PDZD9: variants seen among roughly 807,000 people sequenced by gnomAD.
PDZD9 encodes PDZ domain containing 9.
A neutral mutation model predicts 16.3 loss-of-function variants in PDZD9; 13 were observed. The ratio of observed to expected loss-of-function variants is 0.80; its 90% CI spans 0.52 to 1.27. The LOEUF (loss-of-function observed/expected upper bound fraction) is 1.27. Among genes scored for constraint, PDZD9 ranks in the 50% most tolerant of loss-of-function variants. PDZD9 has a pLI of 0.00. For missense variants in PDZD9, 288 were observed against 310.9 expected (o/e 0.93, Z 0.55); for synonymous variants, 120 against 111.0 (o/e 1.08, Z -0.51).
At chr16:21,962,491 A>G in the PDZD9 span, 1 of 1,614,122 alleles carries the variant, frequency 6.2e-7, no homozygotes, top group East Asian at 2.2e-5. Context: ...CATGGCTTAT[A>G]CTGTGGAATG....
the PDZD9 span, chr16:21,962,758 TA>T: frequency 6.2e-7 from 1 of 1,614,148 alleles, no homozygotes; most frequent in Non-Finnish European, 8.5e-7. Flanking sequence ...ATGTCTTCTG[TA>T]GTGATATTCT....
the PDZD9 span, among the ~76,000 whole-genome samples, chr16:21,970,048 A>G: frequency 6.6e-6 from 1 of 152,054 alleles, no homozygotes; most frequent in African/African-American, 2.4e-5. Context: ...GACATTTCCT[A>G]TAAATGGAGT....
the PDZD9 span, among the ~76,000 whole-genome samples, chr16:21,966,561 G>A: frequency 2.6e-5 from 4 of 151,964 alleles, no homozygotes; most frequent in Non-Finnish European, 5.9e-5. Context: ...TTTTATTCTC[G>A]TTTTATTCTT....
chr16:21,974,808 A>G, the PDZD9 span, among the ~76,000 whole-genome samples: 5 of 152,254 alleles, frequency 3.3e-5, no homozygotes, highest in African/African-American at 1.2e-4. Flanking sequence ...CTTGGGATCC[A>G]GCACACAAGT....
chr16:21,988,574 CAA>C (rs1452377989), intron 3 of PDZD9, 26 bp downstream of exon 3: 2 of 1,555,936 alleles, frequency 1.3e-6, no homozygotes, highest in African/African-American at 2.7e-5. Flanking sequence ...TGTATTATAA[CAA>C]AGAGTTCCTA....
At chr16:21,964,621 C>T in the PDZD9 span, among the ~76,000 whole-genome samples, 1 of 152,086 alleles carries the variant, frequency 6.6e-6, no homozygotes, top group South Asian at 2.1e-4. Flanking sequence ...AAATGATTTC[C>T]CCTGGGAAAC....
the PDZD9 span, among the ~76,000 whole-genome samples, chr16:21,966,973 A>G: frequency 2.0e-5 from 3 of 152,242 alleles, no homozygotes; most frequent in Admixed American, 6.5e-5. Flanking sequence ...ATGTTGTCAC[A>G]TAAAGCAATT....
chr16:21,965,077 G>A, the PDZD9 span, among the ~76,000 whole-genome samples: 1 of 125,242 alleles, frequency 8.0e-6, no homozygotes, highest in Non-Finnish European at 1.8e-5. Flanking sequence ...CAAGATGGCG[G>A]CAGAACCATA....
the PDZD9 span, chr16:21,962,732 C>G: frequency 6.2e-7 from 1 of 1,613,632 alleles, no homozygotes; most frequent in Non-Finnish European, 8.5e-7. Context: ...ATTTTTGACT[C>G]ATAATTCTTA....
the PDZD9 span, chr16:21,959,347 G>A: frequency 3.7e-6 from 1 of 269,576 alleles, no homozygotes. Context: ...AGTGTTCACA[G>A]CATCTTCAAC....
downstream of PDZD9, chr16:21,983,366 T>G (rs948255732): frequency 1.9e-6 from 1 of 534,726 alleles, no homozygotes; most frequent in African/African-American, 1.9e-5. Flanking sequence ...CTTACGTTTT[T>G]CTCAATGAGT....
the PDZD9 span, among the ~76,000 whole-genome samples, chr16:21,968,277 C>G: frequency 6.6e-6 from 1 of 152,284 alleles, no homozygotes; most frequent in South Asian, 2.1e-4. Context: ...GCTGGGATTA[C>G]AGACATGAGC....
chr16:21,980,751 G>T (rs776675108), downstream of PDZD9: 2 of 1,599,776 alleles, frequency 1.3e-6, no homozygotes, highest in Admixed American at 1.7e-5. Flanking sequence ...TAACCTTAAT[G>T]ATCCAATTTC....
the PDZD9 span, chr16:21,962,586 T>C: frequency 1.2e-6 from 2 of 1,605,754 alleles, no homozygotes; most frequent in Admixed American, 1.7e-5. Context: ...CTGGTCTTTG[T>C]AATGCGTCAT....
the PDZD9 span, chr16:21,976,360 A>C: frequency 1.1e-6 from 1 of 891,090 alleles, no homozygotes; most frequent in East Asian, 2.8e-5. Context: ...AGAAAAGCGT[A>C]AAAAGGGAAA....
chr16:21,988,466 G>A, intron 3 of PDZD9, 136 bp downstream of exon 3: 1 of 719,486 alleles, frequency 1.4e-6, no homozygotes, highest in South Asian at 2.3e-5. Flanking sequence ...AGAAACCCAG[G>A]AAATTACTCT....
At chr16:21,989,199 C>T in intron 2 of PDZD9, among the ~76,000 whole-genome samples, 1 of 151,846 alleles carries the variant, frequency 6.6e-6, no homozygotes. Flanking sequence ...TGCCAAAGTG[C>T]TAGGATTACA....
chr16:21,981,046 T>C (rs567182144), downstream of PDZD9, among the ~76,000 whole-genome samples: 11 of 152,310 alleles, frequency 7.2e-5, no homozygotes, highest in African/African-American at 2.6e-4. Flanking sequence ...GGGCTTATGT[T>C]AGATGACTAG....
chr16:21,965,440 C>A, the PDZD9 span: 22 of 1,613,750 alleles, frequency 1.4e-5, no homozygotes, highest in Middle Eastern at 3.3e-4. Flanking sequence ...AGCAGCTTAC[C>A]GGAATGCCTT....
Sources: allele counts gnomAD v4.1 joint callset (sites outside exome capture counted in the v4.1 genomes callset), GRCh38; gene constraint gnomAD v4.1.1; transcripts MANE v1.5; gene names NCBI Gene and HGNC (gene_info 2026-07-23, HGNC 2026-07-21).